Variants in MAF observed in about 807,000 individuals in gnomAD.
MAF encodes MAF bZIP transcription factor.
A neutral mutation model predicts 22.0 loss-of-function variants in MAF; 10 were observed. The observed-to-expected ratio is 0.45, with a 90% CI of 0.28 to 0.77. The LOEUF (loss-of-function observed/expected upper bound fraction) is 0.77. MAF is among the 30% of genes least tolerant of loss of function. The pLI, the probability that MAF is intolerant of heterozygous loss-of-function variation, is 0.12. For missense variants in MAF, 544 were observed against 548.4 expected (o/e 0.99, Z 0.08); for synonymous variants, 337 against 255.8 (o/e 1.32, Z -3.03).
chr16:79,427,875 G>C, the MAF span, among the ~76,000 whole-genome samples: 3 of 152,082 alleles, frequency 2.0e-5, no homozygotes, highest in African/African-American at 7.2e-5. Flanking sequence ...CCAGGACTTA[G>C]ACTTCAATGG....
chr16:79,475,451 A>G, the MAF span, among the ~76,000 whole-genome samples: 2 of 151,734 alleles, frequency 1.3e-5, no homozygotes, highest in Non-Finnish European at 2.9e-5. Context: ...CGAACAATGC[A>G]CTTCACTCTT....
chr16:79,377,874 T>A, the MAF span, among the ~76,000 whole-genome samples: 1 of 152,162 alleles, frequency 6.6e-6, no homozygotes, highest in Non-Finnish European at 1.5e-5. Flanking sequence ...TCTGTTCTGT[T>A]CCATTGGTCT....
chr16:79,553,106 T>G, the MAF span, among the ~76,000 whole-genome samples: 1 of 152,188 alleles, frequency 6.6e-6, no homozygotes, highest in Non-Finnish European at 1.5e-5. Flanking sequence ...TTGGCAGAGT[T>G]GAGAGGATTA....
the MAF span, among the ~76,000 whole-genome samples, chr16:79,554,787 A>G: frequency 6.6e-6 from 1 of 152,186 alleles, no homozygotes; most frequent in Non-Finnish European, 1.5e-5. Flanking sequence ...TTGTATGGGC[A>G]TCACGTGTGA....
chr16:79,513,169 C>G, the MAF span, among the ~76,000 whole-genome samples: 1 of 152,242 alleles, frequency 6.6e-6, no homozygotes, highest in South Asian at 2.1e-4. Flanking sequence ...GACCAAAGCC[C>G]TATAGCCCGG....
the MAF span, among the ~76,000 whole-genome samples, chr16:79,495,924 A>G: frequency 6.6e-6 from 1 of 152,210 alleles, no homozygotes; most frequent in Non-Finnish European, 1.5e-5. Flanking sequence ...AGTGTGATGG[A>G]GATAACACAC....
the MAF span, among the ~76,000 whole-genome samples, chr16:79,274,394 G>A: frequency 2.0e-5 from 3 of 152,100 alleles, no homozygotes; most frequent in Non-Finnish European, 4.4e-5. Flanking sequence ...GATTCAGGTT[G>A]CGCAATTCCA....
the MAF span, among the ~76,000 whole-genome samples, chr16:79,466,515 T>C: frequency 4.5e-3 from 684 of 152,312 alleles, 7 homozygotes; most frequent in African/African-American, 0.016. Context: ...AGATCCACCG[T>C]CTTATACTCA....
At chr16:79,400,530 T>C in the MAF span, among the ~76,000 whole-genome samples, 1 of 152,240 alleles carries the variant, frequency 6.6e-6, no homozygotes, top group Non-Finnish European at 1.5e-5. Context: ...GGGAGCTCTT[T>C]GCTATGCATC....
the MAF span, among the ~76,000 whole-genome samples, chr16:79,486,590 G>C: frequency 5.3e-5 from 8 of 152,180 alleles, no homozygotes; most frequent in Non-Finnish European, 8.8e-5. Context: ...AATGCTGTTT[G>C]GTTATTGCTC....
intron 1 of MAF, chr16:79,595,366 A>G: frequency 9.5e-7 from 1 of 1,051,222 alleles, no homozygotes; most frequent in Non-Finnish European, 1.1e-6. Context: ...ACCAAACACA[A>G]CCTGTTTTCT....
At chr16:79,390,545 T>G in the MAF span, among the ~76,000 whole-genome samples, 1 of 152,214 alleles carries the variant, frequency 6.6e-6, no homozygotes, top group Admixed American at 6.5e-5. Flanking sequence ...TTACAACTGC[T>G]AACAATTACA....
chr16:79,600,549 G>A lies in MAF; in HGVS notation c.-647C>T, dbSNP rs1913979808. ...TCTGTGCAAAGTGCAAGGCAGAGGT[G>A]CAGCCCGACTGGAGGAGAGGGAGGG... On this transcript the variant is annotated 5_prime_UTR_variant, in exon 1 of 2. Coordinates refer to ENST00000326043, the MANE Select transcript of MAF (RefSeq NM_005360.5). 1 of 194,916 alleles carries A rather than the reference G, an allele frequency of 5.1e-6. No homozygotes were observed. The highest frequency in any genetic ancestry group is 1.2e-5 in the Non-Finnish European group (1 of 84,442). The allele number at this position is 194,916 out of a possible 1,614,324, so 12.1% of individuals were successfully genotyped here. A position where few individuals can be genotyped will look rare whatever the true frequency, so the allele number is the denominator to read the frequency against.
chr16:79,531,342 T>G, the MAF span, among the ~76,000 whole-genome samples: 1 of 152,152 alleles, frequency 6.6e-6, no homozygotes, highest in Non-Finnish European at 1.5e-5. Flanking sequence ...TCCCCATCCT[T>G]TCTAACACCA....
the MAF span, among the ~76,000 whole-genome samples, chr16:79,323,284 G>A: frequency 6.6e-6 from 1 of 151,468 alleles, no homozygotes; most frequent in African/African-American, 2.4e-5. Flanking sequence ...GAGGCTGCAG[G>A]GAGCCCAGTT....
At chr16:79,529,780 G>C in the MAF span, among the ~76,000 whole-genome samples, 1 of 152,102 alleles carries the variant, frequency 6.6e-6, no homozygotes, top group Non-Finnish European at 1.5e-5. Flanking sequence ...GGCCAATGTG[G>C]TGAAACCCCA....
chr16:79,324,713 G>T, the MAF span, among the ~76,000 whole-genome samples: 5,897 of 152,170 alleles, frequency 0.039, 176 homozygotes, highest in African/African-American at 0.081. Flanking sequence ...CAGTCAGACG[G>T]GCACTCCTGG....
the MAF span, among the ~76,000 whole-genome samples, chr16:79,434,240 T>G: frequency 4.6e-5 from 7 of 152,360 alleles, no homozygotes; most frequent in East Asian, 1.3e-3. Flanking sequence ...AAGAAAATGA[T>G]GTATGTTTGG....
chr16:79,292,781 C>G, the MAF span, among the ~76,000 whole-genome samples: 1 of 152,138 alleles, frequency 6.6e-6, no homozygotes, highest in East Asian at 1.9e-4. Flanking sequence ...CCACCAAAAC[C>G]AAGATGGCGA....
Sources: gnomAD v4.1 joint callset for allele counts (sites outside exome capture counted in the v4.1 genomes callset) on GRCh38, gnomAD v4.1.1 for gene constraint, MANE v1.5 for transcripts, NCBI Gene and HGNC (gene_info 2026-07-23, HGNC 2026-07-21) for gene names.